HNF4A: variants seen among roughly 807,000 people sequenced by gnomAD.
HNF4A encodes the protein hepatocyte nuclear factor 4 alpha, also known as hepatocyte nuclear factor 4-alpha.
A neutral mutation model predicts 52.4 loss-of-function variants in HNF4A; 15 were observed. The ratio of observed to expected loss-of-function variants is 0.29; its 90% CI spans 0.19 to 0.44. HNF4A has a LOEUF of 0.44. HNF4A is among the 20% of genes least tolerant of loss of function. HNF4A has a pLI of 1.00. For missense variants in HNF4A, 479 were observed against 647.2 expected (o/e 0.74, Z 2.82); for synonymous variants, 280 against 264.4 (o/e 1.06, Z -0.57).
intron 8 of HNF4A, among the ~76,000 whole-genome samples, chr20:44,426,733 G>A (rs969401482): frequency 2.6e-5 from 4 of 152,174 alleles, no homozygotes; most frequent in African/African-American, 9.7e-5. Flanking sequence ...CTTGAACCCG[G>A]GAGATGGAGG....
rs1177984768 is a variant in HNF4A at position 44,429,921 on chromosome 20, C to A, written c.*256C>A. ...GACAACTTTTCTCATGTTGAAGCCACTGCCTTCACCTTCACCTTCATCCAT... is the reference window on the plus strand; with the variant it reads ...GACAACTTTTCTCATGTTGAAGCCAATGCCTTCACCTTCACCTTCATCCAT... On this transcript the variant is annotated 3_prime_UTR_variant, in exon 10 of 10. Transcript: ENST00000316099. The A allele has an allele frequency of 3.8e-6, 2 of 524,628 alleles. No homozygotes were observed. Among genetic ancestry groups the A allele is most frequent in the Non-Finnish European group, 6.8e-6 (2 of 293,172 alleles). 32.5% of individuals were successfully genotyped at this position (524,628 alleles called of 1,614,324 possible).
At chr20:44,420,479 T>G (rs962059693) in intron 7 of HNF4A, among the ~76,000 whole-genome samples, 2 of 151,520 alleles carry the variant, frequency 1.3e-5, no homozygotes, top group African/African-American at 4.9e-5. Flanking sequence ...TCAAAAAAAT[T>G]TATCAAAATA....
intron 3 of HNF4A, 104 bp downstream of exon 3, chr20:44,407,579 G>A (rs995242690): frequency 2.4e-6 from 2 of 818,782 alleles, no homozygotes; most frequent in African/African-American, 1.7e-5. Flanking sequence ...TCAGTGGCAG[G>A]CCCCAGGGTG....
At chr20:44,416,959 C>T in intron 5 of HNF4A, among the ~76,000 whole-genome samples, 1 of 152,040 alleles carries the variant, frequency 6.6e-6, no homozygotes, top group Non-Finnish European at 1.5e-5. Context: ...CTGTGATCAC[C>T]CTGTGTCCTC....
chr20:44,405,055 CTG>C (rs1263808577), intron 1 of HNF4A, among the ~76,000 whole-genome samples: 1 of 92,452 alleles, frequency 1.1e-5, no homozygotes, highest in Non-Finnish European at 2.3e-5. Context: ...TGTGTGTGGA[CTG>C]TGTGGTGCGT....
intron 3 of HNF4A, among the ~76,000 whole-genome samples, chr20:44,410,053 T>G (rs756360802): frequency 8.2e-4 from 125 of 152,314 alleles, no homozygotes; most frequent in Non-Finnish European, 9.1e-4. Context: ...GCCAGGCTGG[T>G]CTGGAACCCC....
intron 1 of HNF4A, among the ~76,000 whole-genome samples, chr20:44,404,688 G>T (rs1243383663): frequency 7.5e-6 from 1 of 133,016 alleles, no homozygotes; most frequent in Middle Eastern, 3.3e-3. Flanking sequence ...GTGTATGTGT[G>T]TGCATGTGTG....
chr20:44,358,469 G>A (rs893248046), intron 1 of HNF4A, among the ~76,000 whole-genome samples: 1 of 152,060 alleles, frequency 6.6e-6, no homozygotes, highest in African/African-American at 2.4e-5. Flanking sequence ...AACTAGCCGG[G>A]TATGATGGCA....
chr20:44,368,160 A>ATATATATTTTTT (rs1200638153), intron 1 of HNF4A, among the ~76,000 whole-genome samples: 2 of 27,776 alleles, frequency 7.2e-5, no homozygotes, highest in African/African-American at 2.9e-4. Flanking sequence ...ATATATATAT[A>ATATATATTTTTT]TTTTTTTTTT....
At chr20:44,380,341 C>T (rs150224153) in intron 1 of HNF4A, among the ~76,000 whole-genome samples, 3,322 of 152,296 alleles carry the variant, frequency 0.022, 71 homozygotes, top group Non-Finnish European at 0.028. Context: ...GTCACCCAGG[C>T]TAGAGTGCAG....
chr20:44,404,387 T>C (rs1363931112), intron 1 of HNF4A, among the ~76,000 whole-genome samples: 1 of 152,178 alleles, frequency 6.6e-6, no homozygotes, highest in Non-Finnish European at 1.5e-5. Flanking sequence ...GCTGTGCTGT[T>C]ACCTACAGTG....
At chr20:44,374,763 T>G (rs1421735307) in intron 1 of HNF4A, among the ~76,000 whole-genome samples, 1 of 152,208 alleles carries the variant, frequency 6.6e-6, no homozygotes, top group Admixed American at 6.5e-5. Context: ...TGTGCTTGGC[T>G]GATGTCTTTC....
intron 1 of HNF4A, among the ~76,000 whole-genome samples, chr20:44,365,457 A>C (rs767265118): frequency 6.6e-6 from 1 of 151,730 alleles, no homozygotes; most frequent in Non-Finnish European, 1.5e-5. Flanking sequence ...GGTGTGAGCT[A>C]CTGCACCTGG....
In HNF4A at chr20:44,357,854, CAA is replaced by C. The variant is rs879313448; in HGVS notation, c.49+2003_49+2004del. On this transcript the variant is annotated intron_variant, in intron 1 of 9. Coordinates refer to the HNF4A transcript ENST00000316673. ...AAGGTTCAAGATTAAAAAAAAAACA[CAA>C]ACAAACAAAAAATGTCATCTGACTC... Among the ~76,000 whole-genome samples, 919 of 108,542 alleles carry C rather than the reference CAA, an allele frequency of 8.5e-3. 4 individuals are homozygous for C. The highest frequency in any genetic ancestry group is 0.016 in the Non-Finnish European group (671 of 42,798). 71.2% of individuals were successfully genotyped at this position (108,542 alleles called of 152,430 possible).
chr20:44,403,331 T>C (rs560599235), intron 1 of HNF4A, among the ~76,000 whole-genome samples: 1 of 152,318 alleles, frequency 6.6e-6, no homozygotes, highest in African/African-American at 2.4e-5. Context: ...TGAGCCTCAG[T>C]TTCCTCACCT....
chr20:44,407,979 TCACA>T, intron 3 of HNF4A: 2 of 224,090 alleles, frequency 8.9e-6, no homozygotes, highest in South Asian at 1.5e-4. Flanking sequence ...TCCAAAGTCT[TCACA>T]TTCTAGAAAA....
At chr20:44,396,393 A>G (rs567131019), upstream of HNF4A, among the ~76,000 whole-genome samples, 8 of 152,138 alleles carry the variant, frequency 5.3e-5, no homozygotes, top group South Asian at 2.1e-4. Context: ...CTCCCTTACC[A>G]CCGTCCACAG....
intron 1 of HNF4A, among the ~76,000 whole-genome samples, chr20:44,385,935 C>G (rs2146274432): frequency 6.6e-6 from 1 of 152,214 alleles, no homozygotes; most frequent in African/African-American, 2.4e-5. Context: ...TCTTCACTCA[C>G]TGGAACCTCC....
At chr20:44,365,192 A>G (rs2062958455) in intron 1 of HNF4A, among the ~76,000 whole-genome samples, 1 of 151,982 alleles carries the variant, frequency 6.6e-6, no homozygotes, top group Non-Finnish European at 1.5e-5. Context: ...TTGTTTTTGA[A>G]ACAGGGTCTT....
Sources: allele counts gnomAD v4.1 joint callset (sites outside exome capture counted in the v4.1 genomes callset), GRCh38; gene constraint gnomAD v4.1.1; transcripts MANE v1.5; gene names NCBI Gene and HGNC (gene_info 2026-07-23, HGNC 2026-07-21).